PPARGC1A: variants seen among roughly 807,000 people sequenced by gnomAD.
PPARGC1A encodes PPARG coactivator 1 alpha.
A neutral mutation model predicts 88.7 loss-of-function variants in PPARGC1A; 25 were observed. The observed-to-expected ratio is 0.28, with a 90% confidence interval of 0.21 to 0.39. The LOEUF (loss-of-function observed/expected upper bound fraction) is 0.39. Ranked by LOEUF, PPARGC1A falls within the 10% of genes least tolerant of loss-of-function variation. The pLI is 1.00. For synonymous variants in PPARGC1A, 363 were observed against 355.6 expected (o/e 1.02, Z -0.24); for missense variants, 880 against 968.7 (o/e 0.91, Z 1.22).
intron 2 of PPARGC1A, among the ~76,000 whole-genome samples, chr4:23,838,517 ATCAAG>A (rs1410264200): frequency 6.6e-6 from 1 of 152,246 alleles, no homozygotes; most frequent in African/African-American, 2.4e-5. Context: ...CAATAAAAAA[ATCAAG>A]ACAATAAATA....
Position 23,795,902 on chromosome 4 carries a change from G to A in PPARGC1A, c.2317C>T (p.Pro773Ser). The change falls in exon 13 of 13, where the codon CCT becomes TCT. Residue 773 changes from proline (P) to serine (S), a missense_variant. Transcript: ENST00000264867. ...TCATACTTGCTCTTGGTGGAAGCAG[G>A]GTCAAAGTCATCTGAGTTTGAATCT... ...DLDSNSDDFD[P>S]ASTKSKYDSL... 6.2e-7 allele frequency: 1 copy of A among 1,609,960 alleles called. No individual in the cohort carries two copies. The highest frequency in any genetic ancestry group is 1.3e-5 in the African/African-American group (1 of 74,430).
At chr4:24,001,321 G>A in the PPARGC1A span, among the ~76,000 whole-genome samples, 1 of 152,172 alleles carries the variant, frequency 6.6e-6, no homozygotes, top group Non-Finnish European at 1.5e-5. Context: ...ATTTTTCCAC[G>A]TTGAATCTGT....
chr4:24,009,746 A>G, the PPARGC1A span, among the ~76,000 whole-genome samples: 1 of 152,200 alleles, frequency 6.6e-6, no homozygotes, highest in African/African-American at 2.4e-5. Flanking sequence ...AATCAGTGGC[A>G]ACTTCCCACA....
At chr4:23,927,712 G>A in the PPARGC1A span, among the ~76,000 whole-genome samples, 2 of 152,116 alleles carry the variant, frequency 1.3e-5, no homozygotes, top group African/African-American at 4.8e-5. Context: ...CTAAGGCATT[G>A]AGAATAACTC....
chr4:24,270,325 CTCTCTCTCTG>C, the PPARGC1A span, among the ~76,000 whole-genome samples: 2 of 67,320 alleles, frequency 3.0e-5, no homozygotes, highest in African/African-American at 5.8e-5. Flanking sequence ...CTCTCTCTCT[CTCTCTCTCTG>C]TGTGTGTGTG....
the PPARGC1A span, among the ~76,000 whole-genome samples, chr4:24,144,190 A>G: frequency 6.6e-6 from 1 of 152,222 alleles, no homozygotes; most frequent in Non-Finnish European, 1.5e-5. Flanking sequence ...TAGTCCTGTG[A>G]TGATTAACAT....
intron 5 of PPARGC1A, among the ~76,000 whole-genome samples, chr4:23,827,969 T>C (rs1724295476): frequency 6.6e-6 from 1 of 152,086 alleles, no homozygotes; most frequent in Non-Finnish European, 1.5e-5. Context: ...AGAGGCTGCA[T>C]AAACACTATT....
chr4:24,336,202 A>G, the PPARGC1A span, among the ~76,000 whole-genome samples: 1 of 152,188 alleles, frequency 6.6e-6, no homozygotes, highest in Non-Finnish European at 1.5e-5. Flanking sequence ...GAAATAGCAG[A>G]GCAGTAGAGT....
chr4:24,121,371 A>T, the PPARGC1A span, among the ~76,000 whole-genome samples: 602 of 152,308 alleles, frequency 4.0e-3, 13 homozygotes, highest in East Asian at 0.07. Context: ...CTCAGGGGTC[A>T]CGCTCACTAG....
the PPARGC1A span, among the ~76,000 whole-genome samples, chr4:24,367,738 G>A: frequency 2.6e-5 from 4 of 152,244 alleles, no homozygotes; most frequent in Admixed American, 6.5e-5. Flanking sequence ...TGAACATATT[G>A]TTGTTGTTTC....
At chr4:24,315,470 A>C in the PPARGC1A span, among the ~76,000 whole-genome samples, 104 of 152,342 alleles carry the variant, frequency 6.8e-4, 1 homozygote, top group African/African-American at 2.4e-3. Context: ...TCCATGAGGA[A>C]TAGACTCTGC....
chr4:24,178,306 T>C, the PPARGC1A span, among the ~76,000 whole-genome samples: 1 of 152,212 alleles, frequency 6.6e-6, no homozygotes, highest in South Asian at 2.1e-4. Context: ...TCATTATATC[T>C]AGGTGTCTGG....
chr4:24,009,938 T>C, the PPARGC1A span, among the ~76,000 whole-genome samples: 2 of 152,146 alleles, frequency 1.3e-5, no homozygotes, highest in African/African-American at 4.8e-5. Context: ...CCTTAGCATG[T>C]AGAAAAGCCA....
chr4:24,158,386 C>A, the PPARGC1A span, among the ~76,000 whole-genome samples: 1 of 152,134 alleles, frequency 6.6e-6, no homozygotes, highest in African/African-American at 2.4e-5. Context: ...AGAGCAGGGA[C>A]CTTGTCTAGC....
chr4:23,987,189 T>C, the PPARGC1A span, among the ~76,000 whole-genome samples: 4 of 151,968 alleles, frequency 2.6e-5, no homozygotes, highest in African/African-American at 7.2e-5. Context: ...ATGAAAACAA[T>C]ATTAAGAATA....
chr4:24,203,180 C>A, the PPARGC1A span, among the ~76,000 whole-genome samples: 1 of 152,174 alleles, frequency 6.6e-6, no homozygotes, highest in Non-Finnish European at 1.5e-5. Flanking sequence ...AAGGAAACTT[C>A]CAGATGAGAG....
chr4:24,021,859 G>A, the PPARGC1A span, among the ~76,000 whole-genome samples: 1 of 152,248 alleles, frequency 6.6e-6, no homozygotes, highest in South Asian at 2.1e-4. Context: ...TAGCTGGGAT[G>A]AGTAGTGGGG....
At chr4:24,258,285 A>G in the PPARGC1A span, 1 of 771,230 alleles carries the variant, frequency 1.3e-6, no homozygotes, top group Non-Finnish European at 1.6e-6. Context: ...GCAGAGGGTA[A>G]GTTTGTGTTA....
At chr4:24,203,588 T>C in the PPARGC1A span, among the ~76,000 whole-genome samples, 5 of 151,602 alleles carry the variant, frequency 3.3e-5, no homozygotes, top group East Asian at 1.9e-4. Context: ...AAAGAGAAAA[T>C]AGAGAAAGAA....
Sources: gnomAD v4.1 joint callset for allele counts (sites outside exome capture counted in the v4.1 genomes callset) on GRCh38, gnomAD v4.1.1 for gene constraint, MANE v1.5 for transcripts, NCBI Gene and HGNC (gene_info 2026-07-23, HGNC 2026-07-21) for gene names.